Variants in MAMDC2 observed in about 807,000 individuals in gnomAD.
MAMDC2 encodes MAM domain-containing protein 2.
A neutral mutation model predicts 89.8 loss-of-function variants in MAMDC2; 57 were observed. The observed-to-expected ratio is 0.63, with a 90% CI of 0.51 to 0.79. MAMDC2 has a LOEUF of 0.79. MAMDC2 is among the 30% of genes least tolerant of loss of function. The pLI, the probability that MAMDC2 is intolerant of heterozygous loss-of-function variation, is 0.00. For synonymous variants in MAMDC2, 313 were observed against 293.4 expected (o/e 1.07, Z -0.68); for missense variants, 800 against 820.6 (o/e 0.97, Z 0.31).
At chr9:70,192,419 T>G (rs2032898592) in intron 11 of MAMDC2, among the ~76,000 whole-genome samples, 1 of 152,122 alleles carries the variant, frequency 6.6e-6, no homozygotes, top group African/African-American at 2.4e-5. Context: ...GAATGATATA[T>G]TTGTGTGTCT....
intron 2 of MAMDC2, among the ~76,000 whole-genome samples, chr9:70,103,481 C>T (rs554680286): frequency 9.2e-5 from 14 of 151,712 alleles, no homozygotes; most frequent in South Asian, 2.1e-4. Context: ...GAAAATTCAA[C>T]GGGCAAAAAT....
intron 11 of MAMDC2, among the ~76,000 whole-genome samples, chr9:70,177,930 C>G (rs2032546813): frequency 6.6e-6 from 1 of 152,182 alleles, no homozygotes; most frequent in Non-Finnish European, 1.5e-5. Context: ...TATTTTGGAA[C>G]ATTCCTAGAA....
intron 11 of MAMDC2, among the ~76,000 whole-genome samples, chr9:70,208,998 A>G (rs889268503): frequency 3.8e-4 from 58 of 152,178 alleles, no homozygotes; most frequent in African/African-American, 1.4e-3. Flanking sequence ...ATCATGGTGG[A>G]TAAGCTTTTT....
intron 2 of MAMDC2, among the ~76,000 whole-genome samples, chr9:70,103,409 A>C (rs1291950097): frequency 6.6e-6 from 1 of 152,166 alleles, no homozygotes; most frequent in Non-Finnish European, 1.5e-5. Flanking sequence ...AATAGAATCG[A>C]ATTGAGAAGT....
intron 11 of MAMDC2, among the ~76,000 whole-genome samples, chr9:70,200,596 T>G (rs995968660): frequency 6.7e-6 from 1 of 148,330 alleles, no homozygotes; most frequent in Non-Finnish European, 1.5e-5. Flanking sequence ...AAGAAAGTCA[T>G]TGGTAGCTTG....
At chr9:70,179,368 C>CAT (rs1373792255) in intron 11 of MAMDC2, among the ~76,000 whole-genome samples, 30 of 150,880 alleles carry the variant, frequency 2.0e-4, no homozygotes, top group South Asian at 1.3e-3. Flanking sequence ...CACACACACA[C>CAT]ACAAAATTAG....
chr9:70,070,496 T>C (rs1344395370), intron 2 of MAMDC2, among the ~76,000 whole-genome samples: 1 of 152,176 alleles, frequency 6.6e-6, no homozygotes, highest in Non-Finnish European at 1.5e-5. Flanking sequence ...CACTGCAATG[T>C]AGTATAAATA....
chr9:70,055,673 A>G (rs1295811248), intron 2 of MAMDC2, among the ~76,000 whole-genome samples: 1 of 152,212 alleles, frequency 6.6e-6, no homozygotes, highest in African/African-American at 2.4e-5. Flanking sequence ...GGCATCAAGT[A>G]GAGACAGAGA....
intron 2 of MAMDC2, among the ~76,000 whole-genome samples, chr9:70,051,358 A>C (rs2117983334): frequency 6.6e-6 from 1 of 152,220 alleles, no homozygotes; most frequent in South Asian, 2.1e-4. Flanking sequence ...ACACCTAGGG[A>C]TTTTTAGGAT....
intron 7 of MAMDC2, among the ~76,000 whole-genome samples, chr9:70,134,927 A>G (rs554869496): frequency 6.6e-6 from 1 of 152,232 alleles, no homozygotes; most frequent in Admixed American, 6.5e-5. Context: ...TAGAGAACAC[A>G]CTGCCCCCAG....
intron 2 of MAMDC2, among the ~76,000 whole-genome samples, chr9:70,064,990 T>C (rs1174158529): frequency 6.6e-6 from 1 of 152,238 alleles, no homozygotes; most frequent in Admixed American, 6.5e-5. Context: ...AAGAGCTTCA[T>C]GTGAATTAAT....
intron 11 of MAMDC2, among the ~76,000 whole-genome samples, chr9:70,188,143 G>C (rs990806590): frequency 6.6e-6 from 1 of 151,946 alleles, no homozygotes; most frequent in Non-Finnish European, 1.5e-5. Flanking sequence ...TTCTTTTTTG[G>C]GAACTGCATG....
In MAMDC2 at chr9:70,222,561, C is replaced by T. The variant is rs574544172; in HGVS notation, c.1912-3189C>T. ...CTGTGGGAAAAAGAAATGCATCAAACGGCAAATGTTTAATCATGCTCCTTC... is the reference window on the plus strand; with the variant it reads ...CTGTGGGAAAAAGAAATGCATCAAATGGCAAATGTTTAATCATGCTCCTTC... On this transcript the variant is annotated intron_variant, in intron 12 of 13. Transcript: ENST00000377182. Among the ~76,000 whole-genome samples, 9 of 152,252 alleles carry T rather than the reference C, an allele frequency of 5.9e-5. No homozygotes were observed. The South Asian group carries it at 6.2e-4, about 11-fold the overall frequency.
rs531205659 is a variant in MAMDC2 at position 70,175,207 on chromosome 9, C to T, written c.1651+4576C>T. On this transcript the variant is annotated intron_variant, in intron 11 of 13. Coordinates refer to ENST00000377182, the MANE Select transcript of MAMDC2 (RefSeq NM_153267.5). Reference sequence around the variant, plus strand: ...CCTGTTAGAGGCTACTGCACATAACCCAGGTGAACAATGATGGTAAATTTG... The same window carrying T: ...CCTGTTAGAGGCTACTGCACATAACTCAGGTGAACAATGATGGTAAATTTG... 1.5e-3 allele frequency among the ~76,000 whole-genome samples: 222 copies of T among 152,194 alleles called. No homozygotes were observed. In the South Asian group the frequency reaches 0.017, roughly 12 times the overall value.
At chr9:70,138,070 T>G (rs1290572877) in intron 7 of MAMDC2, among the ~76,000 whole-genome samples, 1 of 152,166 alleles carries the variant, frequency 6.6e-6, no homozygotes, top group African/African-American at 2.4e-5. Context: ...TCCCTCACCC[T>G]TCTAAGTCTC....
At chr9:70,088,285 A>G (rs1827816138) in intron 2 of MAMDC2, 1 of 152,102 alleles carries the variant, frequency 6.6e-6, no homozygotes, top group African/African-American at 2.4e-5. Flanking sequence ...GGTAAGAACA[A>G]TGGGGGAAAA....
At chr9:70,155,676 A>G (rs1186907562) in intron 9 of MAMDC2, among the ~76,000 whole-genome samples, 2 of 152,148 alleles carry the variant, frequency 1.3e-5, no homozygotes, top group East Asian at 3.9e-4. Flanking sequence ...ACTTCTGGAA[A>G]GATGTATCTT....
At chr9:70,211,843 A>G (rs564032539) in intron 11 of MAMDC2, among the ~76,000 whole-genome samples, 23 of 152,254 alleles carry the variant, frequency 1.5e-4, no homozygotes, top group Middle Eastern at 3.4e-3. Context: ...TTTTCTTTCT[A>G]ACAGTCAGGA....
intron 5 of MAMDC2, among the ~76,000 whole-genome samples, chr9:70,117,693 TATA>T (rs937191914): frequency 2.6e-5 from 4 of 152,082 alleles, no homozygotes; most frequent in African/African-American, 9.7e-5. Flanking sequence ...TGTCCTTCCC[TATA>T]ATACCAGTTT....
Sources: gnomAD v4.1 joint callset for allele counts (sites outside exome capture counted in the v4.1 genomes callset) on GRCh38, gnomAD v4.1.1 for gene constraint, MANE v1.5 for transcripts, NCBI Gene and HGNC (gene_info 2026-07-23, HGNC 2026-07-21) for gene names.